UNC13A: variants seen among roughly 807,000 people sequenced by gnomAD.
The protein encoded by UNC13A is unc-13 homolog A, also known as protein unc-13 homolog A.
A neutral mutation model predicts 219.7 loss-of-function variants in UNC13A; 61 were observed. The observed-to-expected ratio is 0.28, with a 90% confidence interval of 0.23 to 0.34. The LOEUF (loss-of-function observed/expected upper bound fraction) is 0.34, where lower values mean the gene tolerates loss of function less well. Ranked by LOEUF, UNC13A falls within the 10% of genes least tolerant of loss-of-function variation. The pLI is 1.00. For missense variants in UNC13A, 1,476 were observed against 2,270.3 expected (o/e 0.65, Z 7.11); for synonymous variants, 920 against 884.6 (o/e 1.04, Z -0.71).
rs144884958 is a variant in UNC13A at position 17,630,459 on chromosome 19, G to T, written c.3526-171C>A. On this transcript the variant is annotated intron_variant, in intron 29 of 43. Transcript: ENST00000519716. ...CTCTAGAGGTGGACGCAGAAGCCAT[G>T]GGGTGCCTGGAGGTGTCCGGCTTGA... is the stretch of plus-strand genomic sequence containing the variant. Among the ~76,000 whole-genome samples, 154 of 152,254 alleles carry T rather than the reference G, an allele frequency of 1.0e-3. No individual in the cohort carries two copies. In the Middle Eastern group the frequency reaches 0.024, roughly 24 times the overall value.
chr19:17,672,297 GC>G (rs1357574189), intron 4 of UNC13A, 80 bp downstream of exon 4: 1 of 1,094,408 alleles, frequency 9.1e-7, no homozygotes. Flanking sequence ...GGAGATAAAT[GC>G]CCATCTTGTT....
Position 17,620,761 on chromosome 19 carries a change from C to G in UNC13A, c.4243-39G>C, listed in dbSNP as rs376658271. The G allele has an allele frequency of 3.7e-6, 6 of 1,610,600 alleles. No individual in the cohort carries two copies. In the Admixed American group the frequency reaches 8.4e-5, roughly 22 times the overall value. On this transcript the variant is annotated intron_variant, in intron 37 of 43. Coordinates refer to ENST00000519716, the MANE Select transcript of UNC13A (RefSeq NM_001080421.3). ...CAGGTGGAGGTCAGAGTTCTGGTGA[C>G]TGTTGGGAGGATACTCAGTGGGACT...
intron 41 of UNC13A, among the ~76,000 whole-genome samples, chr19:17,617,334 T>C (rs534512476): frequency 2.0e-5 from 3 of 152,234 alleles, no homozygotes; most frequent in East Asian, 1.9e-4. Context: ...TGGGACACCA[T>C]TGATTTTCCC....
intron 7 of UNC13A, 82 bp from the exon 8 acceptor site, chr19:17,663,649 C>G: frequency 2.8e-6 from 4 of 1,428,132 alleles, no homozygotes; most frequent in Non-Finnish European, 1.9e-6. Flanking sequence ...GCTGTCCTCA[C>G]TCTCCCCAAC....
At position 17,649,585 on chromosome 19, in the gene UNC13A, G is replaced by C; in HGVS notation, c.1442C>G (p.Pro481Arg). The C allele has an allele frequency of 6.2e-7, 1 of 1,613,838 alleles. No individual in the cohort carries two copies. The highest frequency in any genetic ancestry group is 8.5e-7 in the Non-Finnish European group (1 of 1,179,860). ...MSKSLWFKGGPGGGLIIIDSM... is the reference protein window; with the variant it reads ...MSKSLWFKGGRGGGLIIIDSM... ...GTCGATGATGATGAGACCGCCCCCT[G>C]GGCTGAAAGACACAGAGGGACACTG... is the stretch of plus-strand genomic sequence containing the variant. Residue 481 changes from proline (P) to arginine (R), a missense_variant and splice_region_variant, in exon 13 of 44, where the codon CCA (proline) becomes CGA (arginine). Physicochemically the swap from Pro to Arg is moderately radical, Grantham distance 103. This residue lies in a region of UNC13A where 351 missense variants were observed against 342.6 expected (regional missense o/e 1.02). Transcript: ENST00000519716. The surrounding 1 kb of genome is among the most constrained non-coding windows in gnomAD (Gnocchi z 4.4).
In UNC13A at chr19:17,627,838, C is replaced by T; in HGVS notation, c.3831+25G>A. On this transcript the variant is annotated intron_variant, in intron 32 of 43. Transcript: ENST00000519716. This position sits in a 1 kb window ranked among gnomAD's most constrained non-coding sequence, Gnocchi z 4.7. The stretch of plus-strand genomic sequence containing the variant: ...TGGTGGGGGTGCCCCATCCCTTCTC[C>T]AGCCCTGCCTCGGCCCTGCCTCACC... The T allele has an allele frequency of 6.3e-7, 1 of 1,580,572 alleles. No individual in the cohort carries two copies.
intron 42 of UNC13A, 93 bp downstream of exon 42, chr19:17,611,667 AAAC>A (rs895518223): frequency 1.9e-5 from 22 of 1,167,284 alleles, no homozygotes; most frequent in Middle Eastern, 3.9e-4. Flanking sequence ...ATGGACCATT[AAAC>A]AACAACAACA....
intron 42 of UNC13A, among the ~76,000 whole-genome samples, chr19:17,610,658 C>T (rs10414024): frequency 0.56 from 85,092 of 151,822 alleles, 24,382 homozygotes; most frequent in African/African-American, 0.63. Context: ...GAGTGAACCC[C>T]AAACTTTCTC....
intron 40 of UNC13A, 46 bp downstream of exon 40, chr19:17,618,375 C>G: frequency 6.5e-7 from 1 of 1,546,978 alleles, no homozygotes; most frequent in Non-Finnish European, 8.8e-7. Context: ...AGCAGCCACA[C>G]CCTCTACATC....
At chr19:17,648,785 GC>G in intron 15 of UNC13A, 126 bp downstream of exon 15, 1 of 1,481,966 alleles carries the variant, frequency 6.7e-7, no homozygotes, top group Non-Finnish European at 9.2e-7. Flanking sequence ...AATCCACGCT[GC>G]CTTCTGCCAG....
At chr19:17,661,127 T>C (rs2079544415) in intron 8 of UNC13A, among the ~76,000 whole-genome samples, 1 of 141,746 alleles carries the variant, frequency 7.1e-6, no homozygotes. Context: ...TTTGTAGAGA[T>C]GGAGTCTTGC....
At chr19:17,676,078 G>A (rs972433912) in intron 1 of UNC13A, 37 bp from the exon 2 acceptor site, 2 of 1,550,236 alleles carry the variant, frequency 1.3e-6, no homozygotes, top group African/African-American at 1.4e-5. Context: ...GGGAGGTGGG[G>A]AGAGATGTGG....
chr19:17,639,793 C>T (rs2076948651), intron 23 of UNC13A, 47 bp downstream of exon 23: 2 of 1,605,564 alleles, frequency 1.2e-6, no homozygotes, highest in African/African-American at 2.7e-5. Flanking sequence ...CCTCCAGGCA[C>T]ACACATGTGC....
intron 23 of UNC13A, 91 bp downstream of exon 23, chr19:17,639,749 G>A: frequency 7.0e-7 from 1 of 1,436,612 alleles, no homozygotes; most frequent in Non-Finnish European, 9.8e-7. Flanking sequence ...GCGAAGATGG[G>A]TCCTCCCATG....
chr19:17,648,393 C>G (rs1331677921), intron 16 of UNC13A, 38 bp downstream of exon 16: 1 of 1,484,498 alleles, frequency 6.7e-7, no homozygotes, highest in Non-Finnish European at 9.0e-7. Flanking sequence ...GGGCTCCCCA[C>G]GCCAACCCGT....
chr19:17,617,355 A>G (rs2076676950), intron 41 of UNC13A, among the ~76,000 whole-genome samples: 1 of 152,106 alleles, frequency 6.6e-6, no homozygotes, highest in Admixed American at 6.5e-5. Flanking sequence ...AGGAGATGAC[A>G]ATCACCTTGT....
chr19:17,668,190 TCTGCAAGCAGAGCCCTGTCTGTGAGC>T lies in UNC13A; in HGVS notation c.395-26_395-1del. 1 of 1,613,348 alleles carries T rather than the reference TCTGCAAGCAGAGCCCTGTCTGTGAGC, an allele frequency of 6.2e-7. No individual in the cohort carries two copies. Among genetic ancestry groups the T allele is most frequent in the East Asian group, 2.2e-5 (1 of 44,860 alleles). ...GTAGCGAGCCTCCTCTTCAGGAATG[TCTGCAAGCAGAGCCCTGTCTGTGAGC>T]CTGGAAGACCCTCCCTGCCGCTCAG... is the stretch of plus-strand genomic sequence containing the variant. On this transcript the variant is annotated splice_acceptor_variant and splice_polypyrimidine_tract_variant and intron_variant, in intron 5 of 43. Transcript: ENST00000519716. LOFTEE classifies it high-confidence loss of function.
chr19:17,685,763 G>A (rs2080096450), intron 1 of UNC13A, among the ~76,000 whole-genome samples: 1 of 152,184 alleles, frequency 6.6e-6, no homozygotes, highest in African/African-American at 2.4e-5. Context: ...TGTCCACACA[G>A]GAACAAGTCT....
In UNC13A at chr19:17,611,662, C is replaced by G. The variant is rs1909914484; in HGVS notation, c.4651+101G>C. 3.7e-6 allele frequency: 4 copies of G among 1,088,616 alleles called. No homozygotes were observed. The Admixed American group carries it at 7.6e-5, about 21-fold the overall frequency. The allele number at this position is 1,088,616 out of a possible 1,614,324, so 67.4% of individuals were successfully genotyped here. On this transcript the variant is annotated intron_variant, in intron 42 of 43. Coordinates refer to ENST00000519716, the MANE Select transcript of UNC13A (RefSeq NM_001080421.3). The stretch of plus-strand genomic sequence containing the variant: ...CCTTTGGACGTTTCCGTTTCATGGA[C>G]CATTAAACAACAACAACAAAAAAAG...
Sources: allele counts gnomAD v4.1 joint callset (sites outside exome capture counted in the v4.1 genomes callset), GRCh38; gene constraint gnomAD v4.1.1; regional missense constraint gnomAD v4.1.1; non-coding constraint Gnocchi (gnomAD v3.1); transcripts MANE v1.5; gene names NCBI Gene and HGNC (gene_info 2026-07-23, HGNC 2026-07-21).